PRKRA: variants seen among roughly 807,000 people sequenced by gnomAD.
The protein encoded by PRKRA is interferon-inducible double-stranded RNA-dependent protein kinase activator A.
A neutral mutation model predicts 32.4 loss-of-function variants in PRKRA; 22 were observed. The observed-to-expected ratio is 0.68, with a 90% CI of 0.49 to 0.97. The LOEUF (loss-of-function observed/expected upper bound fraction) is 0.97. PRKRA is among the 50% of genes least tolerant of loss of function. The pLI, the probability that PRKRA is intolerant of heterozygous loss-of-function variation, is 0.00. For synonymous variants in PRKRA, 139 were observed against 129.8 expected (o/e 1.07, Z -0.48); for missense variants, 319 against 375.6 (o/e 0.85, Z 1.25).
At chr2:178,443,227 G>T in intron 5 of PRKRA, 40 bp downstream of exon 5, 1 of 1,466,526 alleles carries the variant, frequency 6.8e-7, no homozygotes, top group South Asian at 1.1e-5. Context: ...TTCATCATCT[G>T]AAAATATTTC....
Position 178,451,005 on chromosome 2 carries a change from T to G in PRKRA, c.26A>C (p.Glu9Ala). 3 of 1,562,902 alleles carry G rather than the reference T, an allele frequency of 1.9e-6. No homozygotes were observed. The highest frequency in any genetic ancestry group is 2.6e-6 in the Non-Finnish European group (3 of 1,159,170). Residue 9 changes from glutamate (E) to alanine (A), a missense_variant, in exon 1 of 8, where the codon GAG becomes GCG. Transcript: ENST00000325748. MSQSRHRA[E>A]APPLEREDSG... ...GTCCTCGCGCTCCAGCGGCGGGGCCTCGGCGCGGTGCCTGCTCTGGGACAT... is the reference window on the plus strand; with the variant it reads ...GTCCTCGCGCTCCAGCGGCGGGGCCGCGGCGCGGTGCCTGCTCTGGGACAT...
chr2:178,436,404 G>T, intron 6 of PRKRA, 85 bp from the exon 7 acceptor site: 2 of 864,352 alleles, frequency 2.3e-6, no homozygotes, highest in Non-Finnish European at 3.4e-6. Flanking sequence ...TACTTATTAA[G>T]CACTCACATT....
At chr2:178,442,769 G>C (rs1697164962) in intron 5 of PRKRA, among the ~76,000 whole-genome samples, 1 of 152,204 alleles carries the variant, frequency 6.6e-6, no homozygotes. Flanking sequence ...TTTTTAAAGT[G>C]ACAGCGTTTC....
At chr2:178,441,399 C>G (rs907653732) in intron 6 of PRKRA, among the ~76,000 whole-genome samples, 3 of 152,192 alleles carry the variant, frequency 2.0e-5, no homozygotes, top group Non-Finnish European at 4.4e-5. Flanking sequence ...CTGAATTTGA[C>G]TGTGTCTCCC....
At chr2:178,437,578 T>A (rs1696950459) in intron 6 of PRKRA, among the ~76,000 whole-genome samples, 1 of 152,214 alleles carries the variant, frequency 6.6e-6, no homozygotes. Flanking sequence ...TCTGTAGAAT[T>A]ATTTCTAGAA....
At chr2:178,442,409 C>T (rs1044614630) in intron 5 of PRKRA, among the ~76,000 whole-genome samples, 3 of 151,984 alleles carry the variant, frequency 2.0e-5, no homozygotes, top group African/African-American at 2.4e-5. Flanking sequence ...TCTAAACTGA[C>T]GATTATATGA....
chr2:178,447,240 C>A, intron 3 of PRKRA: 2 of 404,220 alleles, frequency 4.9e-6, no homozygotes, highest in East Asian at 4.2e-5. Context: ...TTGCAAGAAG[C>A]ACTGATTTTC....
At chr2:178,436,795 T>C (rs1696916274) in intron 6 of PRKRA, among the ~76,000 whole-genome samples, 1 of 151,816 alleles carries the variant, frequency 6.6e-6, no homozygotes, top group South Asian at 2.1e-4. Context: ...AAAAAAAACA[T>C]GAAATGTGCG....
At chr2:178,432,538 G>A (rs1696706915) in intron 7 of PRKRA, among the ~76,000 whole-genome samples, 1 of 152,030 alleles carries the variant, frequency 6.6e-6, no homozygotes, top group African/African-American at 2.4e-5. Flanking sequence ...AGTTGGGGGT[G>A]GCTGATTCCT....
Position 178,431,685 on chromosome 2 carries a change from G to C in PRKRA, c.*412C>G, listed in dbSNP as rs1156916353. The C allele has an allele frequency of 2.4e-5, 6 of 246,914 alleles. No homozygotes were observed. The highest frequency in any genetic ancestry group is 1.5e-4 in the Admixed American group (3 of 19,880). 15.3% of individuals were successfully genotyped at this position (246,914 alleles called of 1,614,324 possible). A position where few individuals can be genotyped will look rare whatever the true frequency, so the allele number is the denominator to read the frequency against. On this transcript the variant is annotated 3_prime_UTR_variant, in exon 8 of 8. Transcript: ENST00000325748. ...AATCATACTTAATAAAGGCCTGTTAGTGCTGTCCCTCAAGACTCTAATTCT... is the reference window on the plus strand; with the variant it reads ...AATCATACTTAATAAAGGCCTGTTACTGCTGTCCCTCAAGACTCTAATTCT...
intron 6 of PRKRA, among the ~76,000 whole-genome samples, chr2:178,438,550 T>C (rs1696992930): frequency 1.3e-5 from 2 of 152,214 alleles, no homozygotes; most frequent in African/African-American, 4.8e-5. Context: ...CAGTATGTTT[T>C]GTTCTCTAGT....
At chr2:178,441,128 C>G (rs991593203) in intron 6 of PRKRA, among the ~76,000 whole-genome samples, 1 of 152,176 alleles carries the variant, frequency 6.6e-6, no homozygotes, top group Non-Finnish European at 1.5e-5. Flanking sequence ...TGTTGGATGC[C>G]TTCTTCTATG....
intron 4 of PRKRA, 66 bp downstream of exon 4, chr2:178,444,356 T>A: frequency 9.8e-7 from 1 of 1,019,946 alleles, no homozygotes; most frequent in Non-Finnish European, 1.4e-6. Flanking sequence ...ATTCCTTGTG[T>A]TAGCCCCTCT....
chr2:178,443,242 G>A, intron 5 of PRKRA, 25 bp downstream of exon 5: 1 of 1,520,806 alleles, frequency 6.6e-7, no homozygotes, highest in South Asian at 1.1e-5. Flanking sequence ...TATTTCAAAT[G>A]CCTTTAATTG....
intron 5 of PRKRA, 54 bp downstream of exon 5, chr2:178,443,213 G>A: frequency 1.0e-6 from 1 of 979,070 alleles, no homozygotes; most frequent in South Asian, 1.6e-5. Flanking sequence ...AATTTCGATA[G>A]TCATTCATCA....
chr2:178,442,993 A>C (rs1697172822), intron 5 of PRKRA, among the ~76,000 whole-genome samples: 1 of 152,222 alleles, frequency 6.6e-6, no homozygotes. Flanking sequence ...TTTTTAAGTC[A>C]GTAATTTATC....
rs1696870999 is a variant in PRKRA at position 178,435,869 on chromosome 2, G to A, written c.784+276C>T. 2.6e-5 allele frequency among the ~76,000 whole-genome samples: 4 copies of A among 152,308 alleles called. No homozygotes were observed. In the South Asian group the frequency reaches 8.3e-4, roughly 32 times the overall value. The stretch of plus-strand genomic sequence containing the variant: ...GTCTGAGGATTCAGTAAGTAGATAC[G>A]TGTAATCTTAGAACAGTGTCTGGCA... On this transcript the variant is annotated intron_variant, in intron 7 of 7. Coordinates refer to ENST00000325748, the MANE Select transcript of PRKRA (RefSeq NM_003690.5).
At chr2:178,444,287 A>C in intron 4 of PRKRA, 135 bp downstream of exon 4, 1 of 748,304 alleles carries the variant, frequency 1.3e-6, no homozygotes, top group South Asian at 1.7e-5. Flanking sequence ...TAGCTCTGTT[A>C]ATCTAATGAT....
At chr2:178,436,668 G>A (rs979653982) in intron 6 of PRKRA, among the ~76,000 whole-genome samples, 4 of 151,670 alleles carry the variant, frequency 2.6e-5, no homozygotes, top group Non-Finnish European at 2.9e-5. Flanking sequence ...CTGCCTAATG[G>A]AGCAATTTGC....
Sources: allele counts gnomAD v4.1 joint callset (sites outside exome capture counted in the v4.1 genomes callset), GRCh38; gene constraint gnomAD v4.1.1; transcripts MANE v1.5; gene names NCBI Gene and HGNC (gene_info 2026-07-23, HGNC 2026-07-21).